Variants in CDIN1 observed in about 807,000 individuals in gnomAD.
CDIN1 encodes the protein CDAN1 interacting nuclease 1.
A neutral mutation model predicts 45.3 loss-of-function variants in CDIN1; 33 were observed. The observed-to-expected ratio is 0.73, with a 90% CI of 0.55 to 0.97. CDIN1 has a LOEUF of 0.97. Ranked by LOEUF, CDIN1 falls within the 50% of genes least tolerant of loss-of-function variation. The pLI is 0.00. For missense variants in CDIN1, 303 were observed against 339.4 expected (o/e 0.89, Z 0.84); for synonymous variants, 118 against 124.4 (o/e 0.95, Z 0.34).
At chr15:36,690,046 G>C (rs1415072304) in intron 5 of CDIN1, among the ~76,000 whole-genome samples, 1 of 152,204 alleles carries the variant, frequency 6.6e-6, no homozygotes, top group Admixed American at 6.5e-5. Context: ...GGATAGCTGG[G>C]TGATGCTCTT....
At chr15:36,695,318 A>C (rs2042383235) in intron 7 of CDIN1, among the ~76,000 whole-genome samples, 2 of 152,188 alleles carry the variant, frequency 1.3e-5, no homozygotes, top group Admixed American at 1.3e-4. Flanking sequence ...TGACGTTATC[A>C]GTGAAAAGGA....
chr15:36,613,842 G>A, intron 1 of CDIN1: 10 of 1,599,848 alleles, frequency 6.3e-6, no homozygotes, highest in Non-Finnish European at 8.5e-6. Flanking sequence ...GAGGCAGATA[G>A]GAAGTATGAA....
intron 8 of CDIN1, among the ~76,000 whole-genome samples, chr15:36,698,107 T>G (rs1469877251): frequency 6.6e-6 from 1 of 152,098 alleles, no homozygotes; most frequent in East Asian, 1.9e-4. Flanking sequence ...TATTGAAGAG[T>G]CTGCATGATG....
At chr15:36,676,713 T>C (rs2041662855) in intron 5 of CDIN1, among the ~76,000 whole-genome samples, 1 of 152,124 alleles carries the variant, frequency 6.6e-6, no homozygotes, top group Non-Finnish European at 1.5e-5. Flanking sequence ...GAGTTTTCGC[T>C]TTACCTGTAT....
At chr15:36,586,994 T>C (rs1275730256) in intron 1 of CDIN1, among the ~76,000 whole-genome samples, 1 of 152,206 alleles carries the variant, frequency 6.6e-6, no homozygotes, top group African/African-American at 2.4e-5. Flanking sequence ...ATTTTGCTAG[T>C]AGACCAAGCC....
chr15:36,793,445 T>A (rs935798929), intron 10 of CDIN1, among the ~76,000 whole-genome samples: 2 of 152,176 alleles, frequency 1.3e-5, no homozygotes, highest in African/African-American at 2.4e-5. Flanking sequence ...AGCAAGTCAC[T>A]TGACCTCAGA....
intron 5 of CDIN1, among the ~76,000 whole-genome samples, chr15:36,669,729 T>G (rs1008154600): frequency 6.6e-6 from 1 of 152,134 alleles, no homozygotes; most frequent in Non-Finnish European, 1.5e-5. Context: ...ATGGTCATGA[T>G]GTTTTTGCAG....
Position 36,637,731 on chromosome 15 carries a change from GAATAT to G in CDIN1, c.102-6544_102-6540del, listed in dbSNP as rs144578075. On this transcript the variant is annotated intron_variant, in intron 1 of 10. Transcript: ENST00000566621. ...AAATTTGGCGTATACTCATTCGATA[GAATAT>G]AAGTGATGAAAATGAATTAACTACA... Among the ~76,000 whole-genome samples the G allele has an allele frequency of 7.2e-5, 11 of 152,278 alleles. No homozygotes were observed. The East Asian group carries it at 2.1e-3, about 29-fold the overall frequency.
intron 10 of CDIN1, among the ~76,000 whole-genome samples, chr15:36,753,619 TAAA>T (rs11350121): frequency 1.1e-4 from 16 of 146,372 alleles, no homozygotes; most frequent in Admixed American, 2.7e-4. Context: ...ACTTTTTTAT[TAAA>T]AAAAAAAAAA....
chr15:36,715,699 G>A (rs115324596), intron 10 of CDIN1, among the ~76,000 whole-genome samples: 2,879 of 152,264 alleles, frequency 0.019, 113 homozygotes, highest in African/African-American at 0.065. Context: ...AGGGGGCTTC[G>A]ATAAGGGTAA....
chr15:36,776,778 T>C (rs966324518), intron 10 of CDIN1, among the ~76,000 whole-genome samples: 3 of 152,208 alleles, frequency 2.0e-5, no homozygotes, highest in African/African-American at 7.2e-5. Flanking sequence ...ATTTAAATTA[T>C]AGTAAAAGTG....
rs776192650 is a variant in CDIN1, at chr15:36,808,469, A to C, written c.*16A>C. ...CATAGCTTGACCCTGAAGATCCTGGAAGAGAAGCTGGGAGGAAAAGGTGAA... is the reference window on the plus strand; with the variant it reads ...CATAGCTTGACCCTGAAGATCCTGGCAGAGAAGCTGGGAGGAAAAGGTGAA... On this transcript the variant is annotated 3_prime_UTR_variant, in exon 11 of 11. Transcript: ENST00000566621. 1.9e-6 allele frequency: 3 copies of C among 1,612,760 alleles called. No individual in the cohort carries two copies. The Admixed American group carries it at 5.0e-5, about 27-fold the overall frequency.
intron 10 of CDIN1, among the ~76,000 whole-genome samples, chr15:36,751,891 G>A (rs988750767): frequency 1.2e-4 from 19 of 152,132 alleles, no homozygotes; most frequent in African/African-American, 4.3e-4. Context: ...GCAAACTAAC[G>A]CAGGAACAGA....
At chr15:36,660,575 G>T (rs908997955) in intron 5 of CDIN1, among the ~76,000 whole-genome samples, 1 of 152,018 alleles carries the variant, frequency 6.6e-6, no homozygotes, top group Admixed American at 6.6e-5. Flanking sequence ...GGTTTCTCAC[G>T]CGATAATTTT....
In CDIN1 at chr15:36,792,074, T is replaced by G. The variant is rs563138808; in HGVS notation, c.717-16250T>G. Among the ~76,000 whole-genome samples, 23 of 152,304 alleles carry G rather than the reference T, an allele frequency of 1.5e-4. No individual in the cohort carries two copies. In the East Asian group the frequency reaches 4.4e-3, roughly 29 times the overall value. ...TTATGTCACCCAGGATGAGGCAGTT[T>G]GCAGCCAGGAACGCCTCTAAAAGAA... On this transcript the variant is annotated intron_variant, in intron 10 of 10. Coordinates refer to ENST00000566621, the MANE Select transcript of CDIN1 (RefSeq NM_001321759.2).
chr15:36,788,106 A>ATATATT (rs1343541345), intron 10 of CDIN1, among the ~76,000 whole-genome samples: 3 of 50,550 alleles, frequency 5.9e-5, no homozygotes, highest in African/African-American at 2.3e-4. Flanking sequence ...ATATATATAT[A>ATATATT]TTTTTTTTTT....
At chr15:36,713,849 G>A (rs997654192) in intron 10 of CDIN1, among the ~76,000 whole-genome samples, 2 of 152,098 alleles carry the variant, frequency 1.3e-5, no homozygotes, top group Non-Finnish European at 2.9e-5. Flanking sequence ...CGCCTCCTGC[G>A]TTTTGCTAAT....
intron 10 of CDIN1, among the ~76,000 whole-genome samples, chr15:36,721,913 C>A (rs1008296975): frequency 6.6e-6 from 1 of 152,168 alleles, no homozygotes; most frequent in African/African-American, 2.4e-5. Context: ...TGCTGGACTT[C>A]ACCTGGGCTC....
At chr15:36,626,328 C>T (rs1162382615) in intron 1 of CDIN1, among the ~76,000 whole-genome samples, 1 of 149,952 alleles carries the variant, frequency 6.7e-6, no homozygotes, top group Non-Finnish European at 1.5e-5. Flanking sequence ...GGCCTTGTTC[C>T]AGCAAACAAA....
Sources: gnomAD v4.1 joint callset for allele counts (sites outside exome capture counted in the v4.1 genomes callset) on GRCh38, gnomAD v4.1.1 for gene constraint, MANE v1.5 for transcripts, NCBI Gene and HGNC (gene_info 2026-07-23, HGNC 2026-07-21) for gene names.